The following ANKS1B variants were observed in gnomAD, a reference collection of about 807,000 sequenced individuals.
The protein encoded by ANKS1B is ankyrin repeat and sterile alpha motif domain-containing protein 1B.
In ANKS1B, 36 loss-of-function variants were observed where a neutral mutation model predicts 148.3. The observed-to-expected ratio is 0.24, with a 90% CI of 0.19 to 0.32. ANKS1B has a LOEUF of 0.32. ANKS1B is among the 10% of genes least tolerant of loss of function. ANKS1B has a pLI of 1.00. For missense variants in ANKS1B, 1,157 were observed against 1,542.6 expected (o/e 0.75, Z 4.19); for synonymous variants, 542 against 560.8 (o/e 0.97, Z 0.47).
At chr12:99,299,236 T>C (rs943760505) in intron 12 of ANKS1B, among the ~76,000 whole-genome samples, 4 of 152,066 alleles carry the variant, frequency 2.6e-5, no homozygotes, top group Non-Finnish European at 4.4e-5. Flanking sequence ...AAGTTTTCTA[T>C]TTTTTGTAGA....
intron 12 of ANKS1B, among the ~76,000 whole-genome samples, chr12:99,289,611 A>G (rs2079625560): frequency 6.6e-6 from 1 of 152,054 alleles, no homozygotes; most frequent in Admixed American, 6.5e-5. Flanking sequence ...ATCAATAACA[A>G]GAAGAATGTT....
At chr12:98,806,647 G>A (rs1594284228) in intron 20 of ANKS1B, among the ~76,000 whole-genome samples, 2 of 152,286 alleles carry the variant, frequency 1.3e-5, no homozygotes, top group East Asian at 3.9e-4. Flanking sequence ...ATTTGAAAGT[G>A]AATGTAAGGA....
chr12:99,181,212 G>T (rs2079074519), intron 14 of ANKS1B, among the ~76,000 whole-genome samples: 1 of 151,264 alleles, frequency 6.6e-6, no homozygotes, highest in South Asian at 2.1e-4. Context: ...TGTTAACCAT[G>T]ATCCTTGCGA....
At chr12:99,854,953 A>G (rs1297570776) in intron 1 of ANKS1B, among the ~76,000 whole-genome samples, 1 of 152,190 alleles carries the variant, frequency 6.6e-6, no homozygotes, top group African/African-American at 2.4e-5. Flanking sequence ...TCCTTAAAGC[A>G]TAAATCTCAC....
At chr12:99,079,994 C>G (rs1184965197) in intron 16 of ANKS1B, 1 of 152,370 alleles carries the variant, frequency 6.6e-6, no homozygotes, top group African/African-American at 2.4e-5. Context: ...ACTGCGCATG[C>G]TCAACGGACT....
intron 25 of ANKS1B, among the ~76,000 whole-genome samples, chr12:98,755,160 T>C (rs530718160): frequency 3.9e-5 from 6 of 152,166 alleles, no homozygotes. Context: ...TCAGGACACA[T>C]GTGTGAATGG....
At position 99,711,581 on chromosome 12, in the gene ANKS1B, C is replaced by A. The variant is rs368942426; in HGVS notation, c.1129-56371G>T. 4.5e-4 allele frequency among the ~76,000 whole-genome samples: 69 copies of A among 152,094 alleles called. 1 individual carries two copies. Among genetic ancestry groups the A allele is most frequent in the African/African-American group, 1.6e-3 (65 of 41,492 alleles). ...CTAAAGAAGATATACCTGTGGCCAA[C>A]AAGCATATGAAAAAAAGCTCAATAT... On this transcript the variant is annotated intron_variant, in intron 8 of 26. Coordinates refer to ENST00000683438, the MANE Select transcript of ANKS1B (RefSeq NM_001352186.2).
intron 6 of ANKS1B, among the ~76,000 whole-genome samples, chr12:99,777,647 C>T (rs983544752): frequency 6.6e-6 from 1 of 152,058 alleles, no homozygotes; most frequent in South Asian, 2.1e-4. Context: ...TGCAGTGGCG[C>T]GATCTCGGCT....
intron 9 of ANKS1B, among the ~76,000 whole-genome samples, chr12:99,582,008 C>T (rs1042749600): frequency 1.3e-5 from 2 of 151,444 alleles, no homozygotes; most frequent in African/African-American, 4.8e-5. Context: ...ATTCTTACAA[C>T]TCAATAATAA....
intron 17 of ANKS1B, among the ~76,000 whole-genome samples, chr12:98,959,146 G>A (rs1404386841): frequency 6.6e-6 from 1 of 152,176 alleles, no homozygotes; most frequent in East Asian, 1.9e-4. Context: ...TTTCAGGGTT[G>A]CCAGTTTCTA....
At chr12:99,005,049 C>T (rs140617256) in intron 17 of ANKS1B, among the ~76,000 whole-genome samples, 30 of 152,240 alleles carry the variant, frequency 2.0e-4, no homozygotes, top group African/African-American at 6.3e-4. Flanking sequence ...AGATTTCCCA[C>T]GGAGTAAAAT....
At chr12:98,896,725 A>G (rs1480080037) in intron 17 of ANKS1B, among the ~76,000 whole-genome samples, 1 of 152,218 alleles carries the variant, frequency 6.6e-6, no homozygotes, top group East Asian at 1.9e-4. Flanking sequence ...TGATTACTTG[A>G]TGGAGGCATG....
chr12:99,039,351 CTG>C (rs1272149942), intron 17 of ANKS1B, among the ~76,000 whole-genome samples: 3 of 152,248 alleles, frequency 2.0e-5, no homozygotes, highest in South Asian at 2.1e-4. Context: ...ACGTCTTCCT[CTG>C]TGTCTTTCTT....
intron 4 of ANKS1B, among the ~76,000 whole-genome samples, chr12:99,792,184 A>T (rs937337209): frequency 6.6e-6 from 1 of 151,814 alleles, no homozygotes; most frequent in Non-Finnish European, 1.5e-5. Context: ...AATCTACTAA[A>T]ATTGAACCAT....
At chr12:99,304,808 T>C (rs985609339) in intron 12 of ANKS1B, among the ~76,000 whole-genome samples, 1 of 152,150 alleles carries the variant, frequency 6.6e-6, no homozygotes, top group Non-Finnish European at 1.5e-5. Flanking sequence ...TGTTCATCTC[T>C]GAATTTGGTA....
At chr12:99,525,549 C>A (rs569341122) in intron 9 of ANKS1B, among the ~76,000 whole-genome samples, 16 of 152,240 alleles carry the variant, frequency 1.1e-4, no homozygotes, top group Admixed American at 8.5e-4. Context: ...AAAGAAGGTT[C>A]TGATGCTTGC....
At chr12:99,608,749 T>G (rs1255004602) in intron 9 of ANKS1B, among the ~76,000 whole-genome samples, 1 of 152,022 alleles carries the variant, frequency 6.6e-6, no homozygotes, top group Non-Finnish European at 1.5e-5. Context: ...CAGGGGCACC[T>G]TTCCTGTGTT....
intron 12 of ANKS1B, among the ~76,000 whole-genome samples, chr12:99,320,781 T>A (rs2085106056): frequency 6.6e-6 from 1 of 152,222 alleles, no homozygotes. Flanking sequence ...GGTGCTCTGA[T>A]TTTTAGAATT....
chr12:99,524,174 A>T (rs2096903774), intron 9 of ANKS1B, among the ~76,000 whole-genome samples: 3 of 152,234 alleles, frequency 2.0e-5, no homozygotes, highest in Non-Finnish European at 4.4e-5. Context: ...AAGATTTACA[A>T]TGACATTCAA....
Sources: allele counts gnomAD v4.1 joint callset (sites outside exome capture counted in the v4.1 genomes callset), GRCh38; gene constraint gnomAD v4.1.1; transcripts MANE v1.5; gene names NCBI Gene and HGNC (gene_info 2026-07-23, HGNC 2026-07-21).